STK33: variants seen among roughly 807,000 people sequenced by gnomAD.
The protein encoded by STK33 is serine/threonine kinase 33, also known as serine/threonine-protein kinase 33.
STK33 carries 52 observed loss-of-function variants against 58.0 expected under a neutral mutation model. The ratio of observed to expected loss-of-function variants is 0.90; its 90% CI spans 0.72 to 1.13. The LOEUF (loss-of-function observed/expected upper bound fraction) is 1.13, where lower values mean the gene tolerates loss of function less well. STK33 is among the 50% of genes most tolerant of loss of function. STK33 has a pLI of 0.00. For synonymous variants in STK33, 215 were observed against 200.1 expected, an observed-to-expected ratio of 1.07 and a Z score of -0.63; for missense variants, 630 against 604.2, an observed-to-expected ratio of 1.04 and a Z score of -0.45.
At chr11:8,502,795 C>G (rs1951615234) in intron 1 of STK33, among the ~76,000 whole-genome samples, 1 of 152,072 alleles carries the variant, frequency 6.6e-6, no homozygotes, top group Non-Finnish European at 1.5e-5. Flanking sequence ...AAAAAATAAA[C>G]AACCCCATTA....
At chr11:8,384,570 G>A in the STK33 span, among the ~76,000 whole-genome samples, 1 of 152,260 alleles carries the variant, frequency 6.6e-6, no homozygotes, top group East Asian at 1.9e-4. Flanking sequence ...TGTACACCTG[G>A]TCCTCCTTTT....
Position 8,413,680 on chromosome 11 carries a change from A to C in STK33, c.1159T>G (p.Ser387Ala). The C allele has an allele frequency of 6.2e-7, 1 of 1,611,318 alleles. No homozygotes were observed. The highest frequency in any genetic ancestry group is 1.3e-5 in the African/African-American group (1 of 75,012). The change falls in exon 15 of 16, where the codon TCT becomes GCT. Residue 387 changes from serine (S) to alanine (A), a missense_variant. Ser to Ala is a moderately conservative substitution (Grantham distance 99, BLOSUM62 1). Coordinates refer to ENST00000687296, the MANE Select transcript of STK33 (RefSeq NM_001352389.2). ...AATACATTGGTTGGTCTCACCGAAG[A>C]AAGTTTATTGCCCTAATATTAACAA... The part of the protein sequence containing the change: ...DNQWLTGNKL[S>A]SVRPTNVLEM...
rs1849595819 is a variant in STK33, at chr11:8,397,660, TC to T, written c.1345-4951del. ...AGAAGGCTTTAGATGATCAAACTAC[TC>T]CGAGCTAAAGGAGGAAGTCTGAACC... On this transcript the variant is annotated intron_variant, in intron 15 of 15. Coordinates refer to ENST00000687296, the MANE Select transcript of STK33 (RefSeq NM_001352389.2). Among the ~76,000 whole-genome samples, 3 of 151,594 alleles carry T rather than the reference TC, an allele frequency of 2.0e-5. No homozygotes were observed. In the South Asian group the frequency reaches 6.2e-4, roughly 32 times the overall value.
chr11:8,416,170 G>T (rs945776875), intron 14 of STK33, among the ~76,000 whole-genome samples: 1 of 152,110 alleles, frequency 6.6e-6, no homozygotes, highest in African/African-American at 2.4e-5. Flanking sequence ...TGATAATGCC[G>T]AAAGTGAAAA....
intron 1 of STK33, among the ~76,000 whole-genome samples, chr11:8,535,198 T>G (rs1954900208): frequency 6.6e-6 from 1 of 152,164 alleles, no homozygotes; most frequent in African/African-American, 2.4e-5. Flanking sequence ...GCATTAATGG[T>G]CCATATACTG....
chr11:8,378,845 A>G, the STK33 span, among the ~76,000 whole-genome samples: 1 of 152,182 alleles, frequency 6.6e-6, no homozygotes, highest in Non-Finnish European at 1.5e-5. Flanking sequence ...AAGCAATCCT[A>G]AGCAAAAAGA....
At chr11:8,351,754 A>G in the STK33 span, among the ~76,000 whole-genome samples, 4 of 152,204 alleles carry the variant, frequency 2.6e-5, no homozygotes, top group African/African-American at 9.7e-5. Flanking sequence ...CCTAAAAGAC[A>G]GATGCCATGC....
At chr11:8,370,424 T>C in the STK33 span, among the ~76,000 whole-genome samples, 2 of 152,116 alleles carry the variant, frequency 1.3e-5, no homozygotes, top group African/African-American at 4.8e-5. Flanking sequence ...TCTCAAACTC[T>C]TGGCCTCAAG....
chr11:8,461,396 T>A (rs972483670), intron 8 of STK33, among the ~76,000 whole-genome samples: 3 of 152,144 alleles, frequency 2.0e-5, no homozygotes, highest in Admixed American at 2.0e-4. Context: ...TCCTACAAAC[T>A]GCAGTGAAAA....
intron 14 of STK33, among the ~76,000 whole-genome samples, chr11:8,431,094 T>C (rs1590997198): frequency 1.3e-5 from 2 of 152,094 alleles, no homozygotes; most frequent in African/African-American, 4.8e-5. Flanking sequence ...CGCAAACTCC[T>C]GACCTTGTGA....
At chr11:8,529,146 A>G (rs1228110027) in intron 1 of STK33, among the ~76,000 whole-genome samples, 1 of 152,248 alleles carries the variant, frequency 6.6e-6, no homozygotes, top group Non-Finnish European at 1.5e-5. Flanking sequence ...TCTCTGCTAC[A>G]GTCTAAAACT....
At chr11:8,493,114 A>C (rs1259476476) in intron 1 of STK33, among the ~76,000 whole-genome samples, 2 of 152,220 alleles carry the variant, frequency 1.3e-5, no homozygotes, top group East Asian at 3.8e-4. Context: ...GAACTGAAGG[A>C]GATAGAGACA....
chr11:8,545,348 T>C (rs774141959), intron 1 of STK33, among the ~76,000 whole-genome samples: 1 of 152,118 alleles, frequency 6.6e-6, no homozygotes, highest in South Asian at 2.1e-4. Context: ...GAGGCAAAAA[T>C]AGAAATGACA....
At chr11:8,444,416 A>C (rs726007) in intron 11 of STK33, among the ~76,000 whole-genome samples, 58,464 of 151,988 alleles carry the variant, frequency 0.38, 11,632 homozygotes, top group South Asian at 0.56. Context: ...GTGCCACAAG[A>C]ATGTTAAGTT....
At chr11:8,547,494 G>A (rs991908653) in intron 1 of STK33, among the ~76,000 whole-genome samples, 1 of 152,322 alleles carries the variant, frequency 6.6e-6, no homozygotes, top group South Asian at 2.1e-4. Context: ...GATTACAGGC[G>A]TGAGCCACTG....
chr11:8,502,348 A>C (rs575010732), intron 1 of STK33, among the ~76,000 whole-genome samples: 1 of 152,212 alleles, frequency 6.6e-6, no homozygotes, highest in African/African-American at 2.4e-5. Flanking sequence ...TACCAGCATC[A>C]AATCTTTGAC....
chr11:8,421,219 C>T (rs1183269107), intron 14 of STK33, among the ~76,000 whole-genome samples: 2 of 152,072 alleles, frequency 1.3e-5, no homozygotes, highest in African/African-American at 4.8e-5. Flanking sequence ...CCTACACACC[C>T]CAAGATGCAG....
intron 1 of STK33, among the ~76,000 whole-genome samples, chr11:8,532,261 T>G (rs999271925): frequency 6.6e-6 from 1 of 152,250 alleles, no homozygotes; most frequent in Admixed American, 6.5e-5. Flanking sequence ...AAACCAGGAG[T>G]TAGCAAACTA....
At chr11:8,529,911 C>T (rs1565286089) in intron 1 of STK33, among the ~76,000 whole-genome samples, 1 of 152,134 alleles carries the variant, frequency 6.6e-6, no homozygotes, top group Non-Finnish European at 1.5e-5. Flanking sequence ...TGTTTTAAGC[C>T]ACTAAGTTTG....
Sources: allele counts gnomAD v4.1 joint callset (sites outside exome capture counted in the v4.1 genomes callset), GRCh38; gene constraint gnomAD v4.1.1; transcripts MANE v1.5; gene names NCBI Gene and HGNC (gene_info 2026-07-23, HGNC 2026-07-21).